PCDH7: variants seen among roughly 807,000 people sequenced by gnomAD.
PCDH7 encodes the protein protocadherin 7.
PCDH7 carries 17 observed loss-of-function variants against 58.9 expected under a neutral mutation model. That is an observed-to-expected ratio of 0.29 (90% CI 0.20 to 0.43). The LOEUF (loss-of-function observed/expected upper bound fraction) is 0.43. PCDH7 is among the 20% of genes least tolerant of loss of function. The probability of loss-of-function intolerance (pLI) is 1.00; values close to 1 mark genes in which losing one functional copy is unlikely to be tolerated. For synonymous variants in PCDH7, 664 were observed against 616.4 expected (o/e 1.08, Z -1.14); for missense variants, 1,274 against 1,441.0 (o/e 0.88, Z 1.88).
In PCDH7 at chr4:30,723,032, A is replaced by G; in HGVS notation, c.1610A>G (p.Gln537Arg). The change falls in exon 1 of 2, where the codon CAG becomes CGG. Residue 537 changes from glutamine (Q) to arginine (R), a missense_variant. By Grantham distance (43) the Gln-to-Arg change is conservative. Coordinates refer to ENST00000361762, the Ensembl canonical transcript of PCDH7. This position sits in a 1 kb window ranked among gnomAD's most constrained non-coding sequence, Gnocchi z 4.6. ...AACGACAACCCGCCCATGTTCGGCC[A>G]GTCGGTGGTGGAGGTTTACTTCCCT... is the stretch of plus-strand genomic sequence containing the variant. 3 of 1,613,886 alleles carry G rather than the reference A, an allele frequency of 1.9e-6. No homozygotes were observed. Among genetic ancestry groups the G allele is most frequent in the Non-Finnish European group, 2.5e-6 (3 of 1,180,032 alleles).
rs185147093 is a variant in PCDH7, at chr4:31,008,272, G to T, written c.*7+58057G>T. On this transcript the variant is annotated intron_variant, in intron 3 of 3. Transcript: ENST00000509759. ...TATTCATTAGTTGCAATTTTGGTCA[G>T]TTTATTACTTGGACAAAAACAATTT... 4.7e-4 allele frequency among the ~76,000 whole-genome samples: 71 copies of T among 152,234 alleles called. No homozygotes were observed. In the East Asian group the frequency reaches 6.6e-3, roughly 14 times the overall value.
At chr4:31,042,646 G>A (rs1755974025) in intron 3 of PCDH7, among the ~76,000 whole-genome samples, 1 of 151,826 alleles carries the variant, frequency 6.6e-6, no homozygotes, top group Admixed American at 6.6e-5. Context: ...TACTCTTTAG[G>A]GAGAGACAAT....
At chr4:30,811,905 G>A (rs1200143495) in intron 1 of PCDH7, among the ~76,000 whole-genome samples, 1 of 152,032 alleles carries the variant, frequency 6.6e-6, no homozygotes, top group Admixed American at 6.6e-5. Flanking sequence ...AGAATAGGAG[G>A]GTTTTTTAGC....
At chr4:30,996,837 T>C (rs1448489463) in intron 3 of PCDH7, among the ~76,000 whole-genome samples, 1 of 152,216 alleles carries the variant, frequency 6.6e-6, no homozygotes, top group Non-Finnish European at 1.5e-5. Context: ...AAATACTTTT[T>C]CAAAGCTAAT....
intron 3 of PCDH7, among the ~76,000 whole-genome samples, chr4:31,049,730 G>A (rs1330905664): frequency 6.6e-6 from 1 of 152,068 alleles, no homozygotes; most frequent in African/African-American, 2.4e-5. Flanking sequence ...TCCATCCTCA[G>A]ACACGATATC....
chr4:30,745,084 A>C (rs1423952884), intron 1 of PCDH7, among the ~76,000 whole-genome samples: 1 of 152,208 alleles, frequency 6.6e-6, no homozygotes, highest in African/African-American at 2.4e-5. Context: ...TTCCAAAAAA[A>C]CAAGGAGTTT....
intron 3 of PCDH7, among the ~76,000 whole-genome samples, chr4:31,051,221 C>T (rs541439910): frequency 6.6e-6 from 1 of 152,254 alleles, no homozygotes; most frequent in African/African-American, 2.4e-5. Flanking sequence ...GTTAGCATGT[C>T]TCACTCCATT....
rs71190474 is a variant in PCDH7, at chr4:30,896,889, CTTTTTTTTTTTTTTTTTTT to C, written c.71-23249_71-23231del. 8.4e-4 allele frequency among the ~76,000 whole-genome samples: 23 copies of C among 27,350 alleles called. 1 individual carries two copies. The South Asian group carries it at 0.014, about 17-fold the overall frequency. The allele number at this position is 27,350 out of a possible 152,430, so 17.9% of individuals were successfully genotyped here. A position where few individuals can be genotyped will look rare whatever the true frequency, so the allele number is the denominator to read the frequency against. On this transcript the variant is annotated intron_variant, in intron 1 of 3. Coordinates refer to the PCDH7 transcript ENST00000509759. ...GTCTTGTGCCCCTCCTAGTTCTTTG[CTTTTTTTTTTTTTTTTTTT>C]TTTTTTTTTTTTTTGAGGTGGAGTC...
At chr4:30,905,133 C>A (rs1403504969) in intron 1 of PCDH7, among the ~76,000 whole-genome samples, 2 of 152,152 alleles carry the variant, frequency 1.3e-5, no homozygotes, top group Non-Finnish European at 2.9e-5. Flanking sequence ...CATTTTCATT[C>A]ATTTCATTAT....
chr4:30,847,593 T>C (rs928717724), intron 1 of PCDH7, among the ~76,000 whole-genome samples: 1 of 152,176 alleles, frequency 6.6e-6, no homozygotes, highest in Non-Finnish European at 1.5e-5. Flanking sequence ...ACATGGAATT[T>C]TTTCATACAT....
chr4:30,883,927 G>A (rs1406473846), intron 1 of PCDH7, among the ~76,000 whole-genome samples: 1 of 152,170 alleles, frequency 6.6e-6, no homozygotes, highest in Admixed American at 6.6e-5. Flanking sequence ...AACTGTGGCA[G>A]CAGCCAGTAT....
At chr4:30,825,697 G>A (rs1035962007) in intron 1 of PCDH7, among the ~76,000 whole-genome samples, 7 of 152,120 alleles carry the variant, frequency 4.6e-5, no homozygotes, top group African/African-American at 1.4e-4. Context: ...GGGGACTTTT[G>A]AGAAGTGACC....
intron 1 of PCDH7, among the ~76,000 whole-genome samples, chr4:30,759,831 C>A (rs541037465): frequency 6.6e-6 from 1 of 152,212 alleles, no homozygotes; most frequent in South Asian, 2.1e-4. Flanking sequence ...ATACCGGAAT[C>A]TGTTTTGTAA....
chr4:31,048,741 A>G (rs771907030), intron 3 of PCDH7, among the ~76,000 whole-genome samples: 1 of 152,096 alleles, frequency 6.6e-6, no homozygotes, highest in Non-Finnish European at 1.5e-5. Context: ...AAAAAGGCAA[A>G]GCTTAATTCT....
chr4:30,938,135 G>GT (rs1284572998), intron 2 of PCDH7, among the ~76,000 whole-genome samples: 1 of 152,132 alleles, frequency 6.6e-6, no homozygotes, highest in Non-Finnish European at 1.5e-5. Flanking sequence ...ATGGAGAGAT[G>GT]TATGCCTCTG....
intron 3 of PCDH7, among the ~76,000 whole-genome samples, chr4:31,083,074 C>T (rs1197050713): frequency 1.3e-5 from 2 of 152,120 alleles, no homozygotes; most frequent in East Asian, 1.9e-4. Context: ...CGCCACTGCA[C>T]TCCAGCCTGG....
chr4:31,082,066 G>A (rs1032336561), intron 3 of PCDH7, among the ~76,000 whole-genome samples: 5 of 152,130 alleles, frequency 3.3e-5, no homozygotes, highest in Non-Finnish European at 5.9e-5. Context: ...GATTACAGGC[G>A]TGAGTCACCA....
rs1375958359 is a variant in PCDH7, at chr4:30,894,477, AAAAAAAAAAAAAAATATATAT to A, written c.71-25674_71-25654del. On this transcript the variant is annotated intron_variant, in intron 1 of 3. Transcript: ENST00000509759. The stretch of plus-strand genomic sequence containing the variant: ...GTTTCATTCAGGAAAAAAAAAAAAA[AAAAAAAAAAAAAAATATATAT>A]ATATATATATATATATATACACACA... Among the ~76,000 whole-genome samples, 4 of 50,912 alleles carry A rather than the reference AAAAAAAAAAAAAAATATATAT, an allele frequency of 7.9e-5. 1 individual carries two copies. Among genetic ancestry groups the A allele is most frequent in the African/African-American group, 1.7e-4 (2 of 11,844 alleles). The allele number at this position is 50,912 out of a possible 152,430, so 33.4% of individuals were successfully genotyped here. A position where few individuals can be genotyped will look rare whatever the true frequency, so the allele number is the denominator to read the frequency against.
At chr4:31,063,240 C>A (rs553067849) in intron 3 of PCDH7, among the ~76,000 whole-genome samples, 6 of 151,838 alleles carry the variant, frequency 4.0e-5, no homozygotes, top group African/African-American at 1.4e-4. Flanking sequence ...TATATGAATG[C>A]CCTTTCCATC....
Sources: gnomAD v4.1 joint callset for allele counts (sites outside exome capture counted in the v4.1 genomes callset) on GRCh38, gnomAD v4.1.1 for gene constraint, Gnocchi (gnomAD v3.1) non-coding constraint, MANE v1.5 for transcripts, NCBI Gene and HGNC (gene_info 2026-07-23, HGNC 2026-07-21) for gene names.